ULK4: variants seen among roughly 807,000 people sequenced by gnomAD.
ULK4 encodes unc-51 like kinase 4, also known as inactive serine/threonine-protein kinase ULK4.
In ULK4, 133 loss-of-function variants were observed where a neutral mutation model predicts 160.6. That is an observed-to-expected ratio of 0.83 (90% confidence interval 0.72 to 0.96). The LOEUF (loss-of-function observed/expected upper bound fraction) is 0.96. ULK4 is among the 40% of genes least tolerant of loss of function. The pLI, the probability that ULK4 is intolerant of heterozygous loss-of-function variation, is 0.00. For synonymous variants in ULK4, 534 were observed against 539.8 expected, an observed-to-expected ratio of 0.99 and a Z score of 0.15; for missense variants, 1,580 against 1,499.5, an observed-to-expected ratio of 1.05 and a Z score of -0.89.
chr3:41,642,875 T>A (rs533263436), intron 30 of ULK4, among the ~76,000 whole-genome samples: 1 of 152,348 alleles, frequency 6.6e-6, no homozygotes, highest in African/African-American at 2.4e-5. Flanking sequence ...TTTTTAATGA[T>A]CGCCATTCTA....
chr3:41,822,789 T>G (rs1192466978), intron 18 of ULK4, among the ~76,000 whole-genome samples: 1 of 140,670 alleles, frequency 7.1e-6, no homozygotes, highest in African/African-American at 2.8e-5. Context: ...TGGCAACATC[T>G]TGGCTCACTG....
At chr3:41,923,191 TA>T (rs1005630669) in intron 5 of ULK4, among the ~76,000 whole-genome samples, 1 of 148,636 alleles carries the variant, frequency 6.7e-6, no homozygotes, top group Non-Finnish European at 1.5e-5. Context: ...AAATAAATAA[TA>T]AAAAAAATAA....
chr3:41,764,161 G>C (rs2039080658), intron 21 of ULK4, among the ~76,000 whole-genome samples: 1 of 152,118 alleles, frequency 6.6e-6, no homozygotes, highest in Admixed American at 6.5e-5. Flanking sequence ...TAAATTTAAA[G>C]AAAATATAAT....
At chr3:41,587,038 A>C (rs1283122665) in intron 31 of ULK4, among the ~76,000 whole-genome samples, 2 of 152,150 alleles carry the variant, frequency 1.3e-5, no homozygotes, top group Non-Finnish European at 2.9e-5. Flanking sequence ...ACTAAAATCA[A>C]AGTGTCAGCT....
intron 8 of ULK4, among the ~76,000 whole-genome samples, chr3:41,913,968 G>A (rs950589022): frequency 5.9e-5 from 9 of 152,150 alleles, no homozygotes; most frequent in Admixed American, 4.6e-4. Flanking sequence ...GTCTCCGGGA[G>A]GGGGTGCGGC....
intron 34 of ULK4, among the ~76,000 whole-genome samples, chr3:41,444,902 G>T (rs927152911): frequency 6.6e-6 from 1 of 152,202 alleles, no homozygotes; most frequent in Admixed American, 6.5e-5. Flanking sequence ...GAAATAAAGG[G>T]TATTCAATTA....
At chr3:41,459,140 C>T (rs1263345170) in intron 33 of ULK4, among the ~76,000 whole-genome samples, 2 of 152,176 alleles carry the variant, frequency 1.3e-5, no homozygotes, top group African/African-American at 4.8e-5. Flanking sequence ...AAACCTCCGC[C>T]TCCCAGGTTC....
chr3:41,738,536 T>C (rs576282487), intron 22 of ULK4, among the ~76,000 whole-genome samples: 2 of 152,066 alleles, frequency 1.3e-5, no homozygotes, highest in Admixed American at 1.3e-4. Context: ...GACATTAAGC[T>C]GGTTGGACCT....
At chr3:41,285,746 A>G (rs765651297) in intron 35 of ULK4, among the ~76,000 whole-genome samples, 6 of 152,238 alleles carry the variant, frequency 3.9e-5, no homozygotes, top group Non-Finnish European at 5.9e-5. Flanking sequence ...GAAAAATTAA[A>G]AACAAAATAA....
intron 29 of ULK4, among the ~76,000 whole-genome samples, chr3:41,678,041 C>T (rs1485220333): frequency 1.3e-5 from 2 of 152,182 alleles, no homozygotes; most frequent in Non-Finnish European, 2.9e-5. Context: ...TCTTCAGTCT[C>T]AAGCCCGCCA....
rs146218590 is a variant in ULK4, at chr3:41,272,090, T to C, written c.3679-22516A>G. ...TGCCACAACACCCAGCTAACTTTTG[T>C]ATTTTTAGTAGAGATGGGGTTTTGC... On this transcript the variant is annotated intron_variant, in intron 35 of 36. Coordinates refer to ENST00000301831, the MANE Select transcript of ULK4 (RefSeq NM_017886.4). 2.0e-5 allele frequency among the ~76,000 whole-genome samples: 3 copies of C among 151,988 alleles called. No homozygotes were observed. In the East Asian group the frequency reaches 5.9e-4, roughly 30 times the overall value.
At chr3:41,300,885 A>ATATATATATATATATT (rs2079782122) in intron 35 of ULK4, among the ~76,000 whole-genome samples, 1 of 110,254 alleles carries the variant, frequency 9.1e-6, no homozygotes, top group African/African-American at 3.2e-5. Flanking sequence ...ATATATATAT[A>ATATATATATATATATT]TTTGGTATCT....
chr3:41,894,182 CA>C (rs1698072788), intron 16 of ULK4, among the ~76,000 whole-genome samples: 1 of 152,168 alleles, frequency 6.6e-6, no homozygotes, highest in Admixed American at 6.5e-5. Flanking sequence ...AAAATGTCAG[CA>C]GGGGGCACCC....
chr3:41,678,177 TAC>T (rs752843326), intron 29 of ULK4, among the ~76,000 whole-genome samples: 20,667 of 122,700 alleles, frequency 0.17, 1,490 homozygotes, highest in Admixed American at 0.24. Flanking sequence ...CTTTATTTCA[TAC>T]ACACACACAC....
chr3:41,741,895 C>A (rs1559521096), intron 22 of ULK4, among the ~76,000 whole-genome samples: 1 of 151,800 alleles, frequency 6.6e-6, no homozygotes, highest in Non-Finnish European at 1.5e-5. Flanking sequence ...AAGTCTCCTT[C>A]CCTTCTTTAT....
chr3:41,957,688 G>A (rs1700529922), intron 1 of ULK4, among the ~76,000 whole-genome samples: 1 of 151,110 alleles, frequency 6.6e-6, no homozygotes, highest in African/African-American at 2.4e-5. Context: ...ACTCCAGCCT[G>A]GACAACAGGG....
intron 35 of ULK4, among the ~76,000 whole-genome samples, chr3:41,312,587 G>A (rs552802461): frequency 1.3e-5 from 2 of 152,152 alleles, no homozygotes; most frequent in African/African-American, 2.4e-5. Flanking sequence ...CTGATGCCAG[G>A]AGTTTGAGAC....
At chr3:41,371,566 A>C (rs897308143) in intron 35 of ULK4, among the ~76,000 whole-genome samples, 4 of 152,210 alleles carry the variant, frequency 2.6e-5, no homozygotes, top group Non-Finnish European at 5.9e-5. Context: ...TGACTGTTAA[A>C]AGAAAAACTA....
intron 21 of ULK4, among the ~76,000 whole-genome samples, chr3:41,786,970 C>G (rs1373113698): frequency 6.6e-6 from 1 of 152,036 alleles, no homozygotes; most frequent in Non-Finnish European, 1.5e-5. Context: ...GGTCTAGAAG[C>G]ACCAACAGGT....
Sources: allele counts gnomAD v4.1 joint callset (sites outside exome capture counted in the v4.1 genomes callset), GRCh38; gene constraint gnomAD v4.1.1; transcripts MANE v1.5; gene names NCBI Gene and HGNC (gene_info 2026-07-23, HGNC 2026-07-21).